GRM1: variants seen among roughly 807,000 people sequenced by gnomAD.
GRM1 encodes the protein glutamate metabotropic receptor 1.
In GRM1, 33 loss-of-function variants were observed where a neutral mutation model predicts 90.9. The observed-to-expected ratio is 0.36, with a 90% CI of 0.28 to 0.49. GRM1 has a LOEUF of 0.49. Among genes scored for constraint, GRM1 ranks in the 20% least tolerant of loss-of-function variants. The probability of loss-of-function intolerance (pLI) is 0.99; values close to 1 mark genes in which losing one functional copy is unlikely to be tolerated. For synonymous variants in GRM1, 700 were observed against 613.2 expected (o/e 1.14, Z -2.09); for missense variants, 1,190 against 1,534.3 (o/e 0.78, Z 3.75).
At chr6:146,302,001 C>A (rs1222835514) in intron 2 of GRM1, among the ~76,000 whole-genome samples, 1 of 152,008 alleles carries the variant, frequency 6.6e-6, no homozygotes, top group African/African-American at 2.4e-5. Context: ...TGAGGACTTC[C>A]CATGGTCTTC....
intron 2 of GRM1, among the ~76,000 whole-genome samples, chr6:146,301,425 A>T (rs1783375934): frequency 6.6e-6 from 1 of 152,204 alleles, no homozygotes; most frequent in Admixed American, 6.5e-5. Context: ...CTCCTTCTAG[A>T]ATTGACACAA....
At chr6:146,222,564 C>CAG (rs1225261843) in intron 2 of GRM1, among the ~76,000 whole-genome samples, 2 of 151,694 alleles carry the variant, frequency 1.3e-5, no homozygotes, top group East Asian at 1.9e-4. Context: ...AAAGGAGAGA[C>CAG]AGAGAGAGAG....
chr6:146,198,656 T>A (rs778622117), intron 2 of GRM1, among the ~76,000 whole-genome samples: 1 of 152,172 alleles, frequency 6.6e-6, no homozygotes, highest in Non-Finnish European at 1.5e-5. Flanking sequence ...CACAAGCACC[T>A]ACTTAAACAG....
At chr6:146,402,043 G>A (rs1002820899) in intron 7 of GRM1, among the ~76,000 whole-genome samples, 1 of 152,162 alleles carries the variant, frequency 6.6e-6, no homozygotes, top group Non-Finnish European at 1.5e-5. Flanking sequence ...TTAATTTCAT[G>A]TGGGATCTTG....
chr6:146,132,908 A>G (rs375117865), intron 1 of GRM1, among the ~76,000 whole-genome samples: 20 of 152,198 alleles, frequency 1.3e-4, no homozygotes, highest in African/African-American at 4.8e-4. Flanking sequence ...GCCTAGTTCT[A>G]CCTGGCATGT....
At chr6:146,429,996 G>C (rs1349547059) in intron 7 of GRM1, among the ~76,000 whole-genome samples, 1 of 152,144 alleles carries the variant, frequency 6.6e-6, no homozygotes, top group Non-Finnish European at 1.5e-5. Flanking sequence ...TTGTGCAGGA[G>C]GCTTCCCTCC....
intron 7 of GRM1, among the ~76,000 whole-genome samples, chr6:146,423,339 C>A (rs1015100948): frequency 2.0e-5 from 3 of 152,156 alleles, no homozygotes; most frequent in African/African-American, 7.2e-5. Context: ...CATGGCTTGT[C>A]CTGTAACCTT....
chr6:146,393,985 A>G (rs1474390876), intron 6 of GRM1, among the ~76,000 whole-genome samples: 3 of 152,150 alleles, frequency 2.0e-5, no homozygotes, highest in African/African-American at 7.2e-5. Flanking sequence ...CTGATCTTTG[A>G]CAAACCTGAC....
At chr6:146,028,250 TG>T (rs1790566231), upstream of GRM1, among the ~76,000 whole-genome samples, 1 of 149,376 alleles carries the variant, frequency 6.7e-6, no homozygotes, top group African/African-American at 2.5e-5. Flanking sequence ...TGTGTGTGTG[TG>T]TGTGTGTGTG....
At chr6:146,259,495 C>T (rs1348475939) in intron 2 of GRM1, among the ~76,000 whole-genome samples, 1 of 152,100 alleles carries the variant, frequency 6.6e-6, no homozygotes, top group Non-Finnish European at 1.5e-5. Context: ...CACCATTGTA[C>T]TCTCTGCTTT....
chr6:146,084,040 T>C (rs1489375687), intron 1 of GRM1, among the ~76,000 whole-genome samples: 1 of 152,242 alleles, frequency 6.6e-6, no homozygotes, highest in East Asian at 1.9e-4. Context: ...TTTAGTATTA[T>C]CTAATGGTAA....
intron 2 of GRM1, among the ~76,000 whole-genome samples, chr6:146,213,662 G>A (rs1779755092): frequency 6.6e-6 from 1 of 151,558 alleles, no homozygotes; most frequent in African/African-American, 2.4e-5. Flanking sequence ...ACCAATAGGA[G>A]ATAGATAGAT....
intron 2 of GRM1, among the ~76,000 whole-genome samples, chr6:146,206,774 G>A (rs981151032): frequency 2.0e-5 from 3 of 152,040 alleles, no homozygotes; most frequent in African/African-American, 7.2e-5. Flanking sequence ...TGGGTACCCA[G>A]TTATCTTTTC....
At chr6:146,386,566 G>C (rs1233830662) in intron 5 of GRM1, among the ~76,000 whole-genome samples, 5 of 151,760 alleles carry the variant, frequency 3.3e-5, no homozygotes, top group African/African-American at 1.2e-4. Context: ...TCTTTTTTGA[G>C]AGTAATAAAT....
chr6:146,218,173 T>G (rs917468692), intron 2 of GRM1, among the ~76,000 whole-genome samples: 1 of 152,252 alleles, frequency 6.6e-6, no homozygotes, highest in Non-Finnish European at 1.5e-5. Flanking sequence ...GTCACTGTGC[T>G]GGTGAGAGGA....
At chr6:146,142,866 A>T (rs774657710) in intron 1 of GRM1, among the ~76,000 whole-genome samples, 2 of 152,072 alleles carry the variant, frequency 1.3e-5, no homozygotes, top group Non-Finnish European at 2.9e-5. Context: ...TAACCCCACG[A>T]GCCTGCTTGG....
chr6:146,333,368 C>T (rs1272739356), intron 3 of GRM1, among the ~76,000 whole-genome samples: 1 of 151,954 alleles, frequency 6.6e-6, no homozygotes, highest in Admixed American at 6.6e-5. Flanking sequence ...TTTTTTTCCC[C>T]CTAGTATTTA....
intron 1 of GRM1, among the ~76,000 whole-genome samples, chr6:146,087,352 C>T (rs1171513781): frequency 6.6e-6 from 1 of 152,098 alleles, no homozygotes; most frequent in Non-Finnish European, 1.5e-5. Context: ...TCTTACATAA[C>T]CACAGTACCA....
chr6:146,402,233 T>C (rs140501206), intron 7 of GRM1, among the ~76,000 whole-genome samples: 1,609 of 152,308 alleles, frequency 0.011, 15 homozygotes, highest in Admixed American at 0.016. Flanking sequence ...GTACAACTTA[T>C]ACCTACTCCA....
Sources: allele counts gnomAD v4.1 joint callset (sites outside exome capture counted in the v4.1 genomes callset), GRCh38; gene constraint gnomAD v4.1.1; transcripts MANE v1.5; gene names NCBI Gene and HGNC (gene_info 2026-07-23, HGNC 2026-07-21).